Variants in ADGRL3 observed in about 807,000 individuals in gnomAD.
The protein encoded by ADGRL3 is adhesion G protein-coupled receptor L3, also known as calcium-independent alpha-latrotoxin receptor 3.
In ADGRL3, 62 loss-of-function variants were observed where a neutral mutation model predicts 153.5. The observed-to-expected ratio is 0.40, with a 90% CI of 0.33 to 0.50. The LOEUF (loss-of-function observed/expected upper bound fraction) is 0.50, where lower values mean the gene tolerates loss of function less well. Ranked by LOEUF, ADGRL3 falls within the 20% of genes least tolerant of loss-of-function variation. The pLI is 0.47. For missense variants in ADGRL3, 1,641 were observed against 1,859.4 expected (o/e 0.88, Z 2.16); for synonymous variants, 710 against 672.5 (o/e 1.06, Z -0.86).
intron 3 of ADGRL3, among the ~76,000 whole-genome samples, chr4:61,507,578 C>T (rs1208902601): frequency 6.6e-6 from 1 of 152,162 alleles, no homozygotes. Flanking sequence ...GGCTCTGTGG[C>T]CCCACCCAAA....
intron 1 of ADGRL3, among the ~76,000 whole-genome samples, chr4:61,257,879 G>A (rs7681067): frequency 0.27 from 40,289 of 151,620 alleles, 5,919 homozygotes; most frequent in African/African-American, 0.4. Context: ...GTGTGCGCAC[G>A]CGCACACCCC....
chr4:62,067,340 G>T (rs930687825), intron 25 of ADGRL3, among the ~76,000 whole-genome samples: 6 of 151,802 alleles, frequency 4.0e-5, no homozygotes, highest in African/African-American at 7.3e-5. Context: ...AAAATAAGAG[G>T]TTTTTTTCCT....
At chr4:61,492,680 A>G (rs2098270889) in intron 2 of ADGRL3, among the ~76,000 whole-genome samples, 1 of 152,150 alleles carries the variant, frequency 6.6e-6, no homozygotes, top group Non-Finnish European at 1.5e-5. Flanking sequence ...GTTGAAAGGA[A>G]TAACAAAAAA....
intron 5 of ADGRL3, among the ~76,000 whole-genome samples, chr4:61,652,936 T>C (rs1420201869): frequency 3.3e-5 from 5 of 152,152 alleles, no homozygotes; most frequent in Admixed American, 6.5e-5. Context: ...CATGCTGCTA[T>C]GCACTGAATA....
intron 8 of ADGRL3, among the ~76,000 whole-genome samples, chr4:61,788,460 G>A (rs2097302888): frequency 6.6e-6 from 1 of 152,110 alleles, no homozygotes; most frequent in Non-Finnish European, 1.5e-5. Flanking sequence ...CTTCTCTCAG[G>A]AAGCCCCATC....
intron 6 of ADGRL3, among the ~76,000 whole-genome samples, chr4:61,714,930 G>GT (rs2096075829): frequency 6.6e-6 from 1 of 152,084 alleles, no homozygotes; most frequent in African/African-American, 2.4e-5. Flanking sequence ...ATGTCACATA[G>GT]TAATATTTGA....
intron 2 of ADGRL3, among the ~76,000 whole-genome samples, chr4:61,476,434 TG>T (rs1380803801): frequency 6.6e-6 from 1 of 151,826 alleles, no homozygotes; most frequent in Non-Finnish European, 1.5e-5. Flanking sequence ...GGCCAGGCGC[TG>T]TGGCTCATAC....
chr4:61,453,668 T>A (rs1307519025), intron 2 of ADGRL3, among the ~76,000 whole-genome samples: 1 of 152,168 alleles, frequency 6.6e-6, no homozygotes, highest in Non-Finnish European at 1.5e-5. Flanking sequence ...ATTTATACTT[T>A]ATAAATCCAT....
chr4:61,790,386 C>T (rs1223720906), intron 8 of ADGRL3, among the ~76,000 whole-genome samples: 2 of 151,996 alleles, frequency 1.3e-5, no homozygotes, highest in African/African-American at 4.8e-5. Context: ...ATCCCAAGAC[C>T]CCTAGTGGAT....
chr4:61,822,436 A>G (rs2097764679), intron 9 of ADGRL3, among the ~76,000 whole-genome samples: 1 of 152,198 alleles, frequency 6.6e-6, no homozygotes, highest in Non-Finnish European at 1.5e-5. Flanking sequence ...GATCATGATT[A>G]TCATATCTCT....
chr4:61,388,282 G>A (rs1016697850), intron 2 of ADGRL3, among the ~76,000 whole-genome samples: 1 of 152,112 alleles, frequency 6.6e-6, no homozygotes, highest in African/African-American at 2.4e-5. Flanking sequence ...ATTTAGAATA[G>A]AACAATGCCT....
chr4:61,235,061 T>G (rs763667709), intron 1 of ADGRL3, among the ~76,000 whole-genome samples: 1 of 152,126 alleles, frequency 6.6e-6, no homozygotes. Flanking sequence ...TCTTTTCTCT[T>G]GTGCACATGT....
At chr4:61,886,942 C>T (rs2149535390) in intron 9 of ADGRL3, among the ~76,000 whole-genome samples, 1 of 152,156 alleles carries the variant, frequency 6.6e-6, no homozygotes, top group South Asian at 2.1e-4. Context: ...CCACTACACC[C>T]AGCCTTCTTT....
At chr4:61,793,185 G>A (rs1430077333) in intron 8 of ADGRL3, among the ~76,000 whole-genome samples, 1 of 152,184 alleles carries the variant, frequency 6.6e-6, no homozygotes, top group East Asian at 2.0e-4. Context: ...AGCAATTTGG[G>A]AGGCCGAGGC....
Position 61,947,049 on chromosome 4 carries a change from C to T in ADGRL3, c.2555C>T (p.Ala852Val). 1 of 1,613,764 alleles carries T rather than the reference C, an allele frequency of 6.2e-7. No individual in the cohort carries two copies. Among genetic ancestry groups the T allele is most frequent in the Non-Finnish European group, 8.5e-7 (1 of 1,179,772 alleles). ...ATTGTCAATTCCCCTGTTATTACGG[C>T]AGCAATAAACAAAGAGTTCAGTAAC... ...SVIVNSPVIT[A>V]AINKEFSNKV... is the part of the protein sequence containing the mutation. The change falls in exon 16 of 27, where the codon GCA becomes GTA. Residue 852 changes from alanine to valine, a missense_variant. By Grantham distance (64) the Ala-to-Val change is moderately conservative. Coordinates refer to ENST00000683033, the MANE Select transcript of ADGRL3 (RefSeq NM_001387552.1).
Position 62,071,040 on chromosome 4 carries a change from T to A in ADGRL3, c.*132T>A. On this transcript the variant is annotated 3_prime_UTR_variant, in exon 27 of 27. Transcript: ENST00000683033. ...GTCCTCTAAAGACAAACACAAACTC[T>A]CAGACTTTTTTTTTTTTAATGGGAT... 5.1e-6 allele frequency: 4 copies of A among 791,014 alleles called. No individual in the cohort carries two copies. The highest frequency in any genetic ancestry group is 2.2e-5 in the South Asian group (1 of 45,202). The allele number at this position is 791,014 out of a possible 1,614,324, so 49.0% of individuals were successfully genotyped here.
At chr4:62,037,948 AC>A (rs1240849044) in intron 24 of ADGRL3, 92 bp downstream of exon 24, 1 of 1,430,246 alleles carries the variant, frequency 7.0e-7, no homozygotes, top group Non-Finnish European at 9.7e-7. Context: ...CCTGTGTTTA[AC>A]ACATCGTTTG....
chr4:61,718,896 A>T (rs1479711726), intron 6 of ADGRL3, among the ~76,000 whole-genome samples: 1 of 152,176 alleles, frequency 6.6e-6, no homozygotes, highest in Admixed American at 6.5e-5. Context: ...TCTAAAACTG[A>T]CTTTTCCTCT....
chr4:61,805,784 A>G (rs2097546972), intron 8 of ADGRL3, among the ~76,000 whole-genome samples: 1 of 152,114 alleles, frequency 6.6e-6, no homozygotes, highest in African/African-American at 2.4e-5. Context: ...TTAAATAGCT[A>G]CTTTACATAG....
Sources: allele counts gnomAD v4.1 joint callset (sites outside exome capture counted in the v4.1 genomes callset), GRCh38; gene constraint gnomAD v4.1.1; transcripts MANE v1.5; gene names NCBI Gene and HGNC (gene_info 2026-07-23, HGNC 2026-07-21).